The following PTPRT variants were observed in gnomAD, a reference collection of about 807,000 sequenced individuals.
The protein encoded by PTPRT is receptor-type tyrosine-protein phosphatase T.
A neutral mutation model predicts 176.8 loss-of-function variants in PTPRT; 56 were observed. That is an observed-to-expected ratio of 0.32 (90% CI 0.26 to 0.40). The LOEUF is 0.40. Among genes scored for constraint, PTPRT ranks in the 10% least tolerant of loss-of-function variants. The pLI is 1.00. For missense variants in PTPRT, 1,540 were observed against 1,908.2 expected (o/e 0.81, Z 3.60); for synonymous variants, 783 against 739.0 (o/e 1.06, Z -0.96).
At chr20:42,971,716 G>A (rs909909329) in intron 1 of PTPRT, among the ~76,000 whole-genome samples, 2 of 152,132 alleles carry the variant, frequency 1.3e-5, no homozygotes, top group African/African-American at 2.4e-5. Context: ...ACCAGGCTCC[G>A]TTGCACAGGA....
intron 15 of PTPRT, among the ~76,000 whole-genome samples, chr20:42,206,587 C>T (rs1018581771): frequency 3.9e-5 from 6 of 152,360 alleles, no homozygotes; most frequent in Middle Eastern, 3.4e-3. Flanking sequence ...GCTTAAAAAA[C>T]GGCGAACCAC....
chr20:42,067,883 C>G (rs979593784), downstream of PTPRT, among the ~76,000 whole-genome samples: 1 of 152,116 alleles, frequency 6.6e-6, no homozygotes, highest in Admixed American at 6.5e-5. Context: ...AAAGCAAAAC[C>G]TTAAACGAAA....
At chr20:42,929,603 AAGAGGACAG>A (rs1979707424) in intron 1 of PTPRT, among the ~76,000 whole-genome samples, 1 of 152,260 alleles carries the variant, frequency 6.6e-6, no homozygotes, top group Non-Finnish European at 1.5e-5. Context: ...TTAATAATAA[AAGAGGACAG>A]AGAAGTTAGG....
At chr20:42,829,706 T>C (rs2078054826) in intron 2 of PTPRT, among the ~76,000 whole-genome samples, 1 of 152,016 alleles carries the variant, frequency 6.6e-6, no homozygotes, top group African/African-American at 2.4e-5. Context: ...AATAGACTAA[T>C]AAATAAACAA....
At chr20:42,211,538 A>G (rs1447288459) in intron 15 of PTPRT, among the ~76,000 whole-genome samples, 2 of 149,886 alleles carry the variant, frequency 1.3e-5, no homozygotes, top group African/African-American at 4.9e-5. Context: ...CAAAAAACAC[A>G]TGAAAAAATG....
intron 1 of PTPRT, among the ~76,000 whole-genome samples, chr20:42,965,882 A>C (rs768923316): frequency 6.6e-6 from 1 of 152,264 alleles, no homozygotes; most frequent in Non-Finnish European, 1.5e-5. Flanking sequence ...CAAACATTCA[A>C]GGAATAGCTA....
chr20:42,656,180 C>T (rs188872035), intron 7 of PTPRT, among the ~76,000 whole-genome samples: 1 of 152,224 alleles, frequency 6.6e-6, no homozygotes, highest in Admixed American at 6.5e-5. Flanking sequence ...GGTATGGAGG[C>T]ATGGCCTTTT....
chr20:42,596,118 T>C (rs2073666670), intron 7 of PTPRT, among the ~76,000 whole-genome samples: 1 of 152,172 alleles, frequency 6.6e-6, no homozygotes, highest in African/African-American at 2.4e-5. Context: ...TACAGACTTC[T>C]TGGTCTCAGG....
At chr20:42,345,746 T>A (rs541710511) in intron 11 of PTPRT, among the ~76,000 whole-genome samples, 84 of 151,108 alleles carry the variant, frequency 5.6e-4, no homozygotes, top group Middle Eastern at 3.4e-3. Flanking sequence ...AAACAAAAAA[T>A]ATATATATAT....
At chr20:42,780,367 C>A in intron 3 of PTPRT, 68 bp from the exon 4 acceptor site, 5 of 1,226,790 alleles carry the variant, frequency 4.1e-6, no homozygotes, top group Non-Finnish European at 6.0e-6. Context: ...AGAAGCTGCC[C>A]GGCCCCCAGC....
intron 6 of PTPRT, among the ~76,000 whole-genome samples, chr20:42,679,918 G>T (rs2075574491): frequency 6.6e-6 from 1 of 152,132 alleles, no homozygotes; most frequent in South Asian, 2.1e-4. Flanking sequence ...AGAACCAACT[G>T]CGAGGAATGG....
intron 1 of PTPRT, among the ~76,000 whole-genome samples, chr20:43,138,865 G>C (rs1382443890): frequency 6.6e-6 from 1 of 152,202 alleles, no homozygotes; most frequent in East Asian, 1.9e-4. Context: ...CCAGGTGGAT[G>C]CAGAGCCTCT....
At chr20:42,626,350 C>T (rs1000205472) in intron 7 of PTPRT, among the ~76,000 whole-genome samples, 1 of 152,140 alleles carries the variant, frequency 6.6e-6, no homozygotes, top group African/African-American at 2.4e-5. Flanking sequence ...AACTTGCACA[C>T]ATCTCCATTC....
chr20:42,879,776 T>A (rs949611221), intron 2 of PTPRT, among the ~76,000 whole-genome samples: 1 of 152,080 alleles, frequency 6.6e-6, no homozygotes, highest in Non-Finnish European at 1.5e-5. Flanking sequence ...TGTGTGTGCA[T>A]GTGCATGTGT....
At chr20:43,050,543 A>G (rs923550715) in intron 1 of PTPRT, among the ~76,000 whole-genome samples, 4 of 152,146 alleles carry the variant, frequency 2.6e-5, no homozygotes, top group African/African-American at 9.7e-5. Flanking sequence ...TGCTCATACC[A>G]CAAGGTCCAA....
intron 6 of PTPRT, among the ~76,000 whole-genome samples, chr20:42,751,271 G>A (rs1373249584): frequency 6.6e-6 from 1 of 152,108 alleles, no homozygotes; most frequent in Non-Finnish European, 1.5e-5. Flanking sequence ...ACTGTGGAGT[G>A]GTTAGGGTTT....
intron 6 of PTPRT, among the ~76,000 whole-genome samples, chr20:42,724,865 T>C (rs1249857651): frequency 6.6e-6 from 1 of 151,924 alleles, no homozygotes; most frequent in Non-Finnish European, 1.5e-5. Flanking sequence ...CCCTCTTTTA[T>C]ACCCCTTGTG....
intron 7 of PTPRT, among the ~76,000 whole-genome samples, chr20:42,562,393 A>T (rs1417448377): frequency 6.6e-6 from 1 of 152,226 alleles, no homozygotes; most frequent in Non-Finnish European, 1.5e-5. Flanking sequence ...TGTTCAACAT[A>T]TAAGTTTTGA....
intron 19 of PTPRT, among the ~76,000 whole-genome samples, chr20:42,128,395 T>C (rs1987962778): frequency 6.6e-6 from 1 of 152,136 alleles, no homozygotes; most frequent in African/African-American, 2.4e-5. Context: ...AGCATTATGG[T>C]TCCCATAGCA....
Sources: allele counts gnomAD v4.1 joint callset (sites outside exome capture counted in the v4.1 genomes callset), GRCh38; gene constraint gnomAD v4.1.1; transcripts MANE v1.5; gene names NCBI Gene and HGNC (gene_info 2026-07-23, HGNC 2026-07-21).